CLEC12A: variants seen among roughly 807,000 people sequenced by gnomAD.
CLEC12A encodes the protein C-type lectin protein CLL-1.
CLEC12A carries 22 observed loss-of-function variants against 26.5 expected under a neutral mutation model. The observed-to-expected ratio is 0.83, with a 90% CI of 0.59 to 1.19. The LOEUF is 1.19. Among genes scored for constraint, CLEC12A ranks in the 50% most tolerant of loss-of-function variants. The pLI, the probability that CLEC12A is intolerant of heterozygous loss-of-function variation, is 0.00. For missense variants in CLEC12A, 353 were observed against 315.6 expected, an observed-to-expected ratio of 1.12 and a Z score of -0.90; for synonymous variants, 119 against 101.9, an observed-to-expected ratio of 1.17 and a Z score of -1.01.
chr12:9,977,600 G>A (rs1864389304), intron 1 of CLEC12A, among the ~76,000 whole-genome samples: 1 of 152,098 alleles, frequency 6.6e-6, no homozygotes, highest in Non-Finnish European at 1.5e-5. Flanking sequence ...TTTGCATGCT[G>A]GTTCCTATTC....
intron 5 of CLEC12A, among the ~76,000 whole-genome samples, chr12:9,984,660 G>A (rs684134): frequency 0.63 from 96,122 of 152,088 alleles, 30,813 homozygotes; most frequent in East Asian, 0.89. Context: ...GGAAAAAGCA[G>A]GGAGAAATGA....
At chr12:9,970,137 A>T (rs1000715048), upstream of CLEC12A, among the ~76,000 whole-genome samples, 2 of 152,144 alleles carry the variant, frequency 1.3e-5, no homozygotes, top group African/African-American at 4.8e-5. Context: ...TTAAATTGAC[A>T]TTGAATTTTT....
At position 9,960,855 on chromosome 12, in the gene CLEC12A, C is replaced by T. The variant is rs150893153; in HGVS notation, c.10+9499C>T. Among the ~76,000 whole-genome samples, 1,467 of 152,274 alleles carry T rather than the reference C, an allele frequency of 9.6e-3. 10 individuals are homozygous for T. Among genetic ancestry groups the T allele is most frequent in the Non-Finnish European group, 0.016 (1,068 of 68,004 alleles). On this transcript the variant is annotated intron_variant, in intron 1 of 6. Transcript: ENST00000355690. The stretch of plus-strand genomic sequence containing the variant: ...CACCCAGGCAATGAGACTGCAGATC[C>T]TTCACCCAGCATGATTTTTTCCCTA...
intron 5 of CLEC12A, chr12:9,984,122 T>A (rs1864672575): frequency 5.5e-6 from 1 of 181,848 alleles, no homozygotes; most frequent in African/African-American, 2.4e-5. Context: ...TGTGTGTGTG[T>A]GTATATATAT....
At chr12:9,992,874 T>C (rs904250704) in intron 4 of CLEC12A, 1 of 347,500 alleles carries the variant, frequency 2.9e-6, no homozygotes, top group African/African-American at 2.1e-5. Context: ...CAGTAAATCA[T>C]ACCATGTTCA....
At chr12:9,962,994 G>C (rs1291576379) in intron 1 of CLEC12A, among the ~76,000 whole-genome samples, 1 of 152,204 alleles carries the variant, frequency 6.6e-6, no homozygotes, top group African/African-American at 2.4e-5. Flanking sequence ...TGGGAACCTA[G>C]AGTGGGAGAG....
chr12:9,952,432 C>A (rs1212451858), intron 1 of CLEC12A: 2 of 156,266 alleles, frequency 1.3e-5, no homozygotes, highest in Admixed American at 6.7e-5. Flanking sequence ...CAGCCTTGGC[C>A]TCCCGAGGTG....
chr12:9,966,607 G>A (rs1347414621), upstream of CLEC12A, among the ~76,000 whole-genome samples: 2 of 152,060 alleles, frequency 1.3e-5, no homozygotes, highest in Non-Finnish European at 2.9e-5. Context: ...TTGCGTGCTG[G>A]AGATGTGGCT....
At chr12:9,962,039 G>C (rs1365448514) in intron 1 of CLEC12A, among the ~76,000 whole-genome samples, 1 of 152,132 alleles carries the variant, frequency 6.6e-6, no homozygotes, top group African/African-American at 2.4e-5. Flanking sequence ...GTACCTCCAG[G>C]GAGGCAGCCT....
chr12:9,974,410 T>A (rs1375488240), intron 1 of CLEC12A, among the ~76,000 whole-genome samples: 1 of 152,162 alleles, frequency 6.6e-6, no homozygotes, highest in Non-Finnish European at 1.5e-5. Context: ...ATAGAGTGAC[T>A]CCCCAATATC....
chr12:9,979,359 A>G lies in CLEC12A; in HGVS notation c.214A>G (p.Met72Val), dbSNP rs1295968005. 1.3e-6 allele frequency: 2 copies of G among 1,597,894 alleles called. No individual in the cohort carries two copies. Among genetic ancestry groups the G allele is most frequent in the Admixed American group, 1.7e-5 (1 of 57,668 alleles). ...SMFHVTLKIE[M>V]KKMNKLQNIS... ...AGTTCACGTAACTTTGAAGATAGAAATGAAAAAAATGAACAAACTACAAAA... is the reference window on the plus strand; with the variant it reads ...AGTTCACGTAACTTTGAAGATAGAAGTGAAAAAAATGAACAAACTACAAAA... Residue 72 changes from methionine to valine, a missense_variant, in exon 3 of 6, where the codon ATG becomes GTG. Physicochemically the swap from Met to Val is conservative, Grantham distance 21. Coordinates refer to ENST00000304361, the MANE Select transcript of CLEC12A (RefSeq NM_138337.6).
In CLEC12A at chr12:9,995,308, C is replaced by A. The variant is rs547939320; in HGVS notation, n.1295C>A. On this transcript the variant is annotated non_coding_transcript_exon_variant, in exon 5 of 5. Transcript: ENST00000449959. ...CCTCCACAGCTCTTGGTATGATAGACAAAGCTTCATGATAAGACGTTGGAC... is the reference window on the plus strand; with the variant it reads ...CCTCCACAGCTCTTGGTATGATAGAAAAAGCTTCATGATAAGACGTTGGAC... 83 of 1,386,806 alleles carry A rather than the reference C, an allele frequency of 6.0e-5. 1 individual carries two copies. In the South Asian group the frequency reaches 9.3e-4, roughly 16 times the overall value. The allele number at this position is 1,386,806 out of a possible 1,614,324, so 85.9% of individuals were successfully genotyped here.
intron 5 of CLEC12A, chr12:9,983,917 G>C (rs1450040635): frequency 4.9e-6 from 1 of 205,164 alleles, no homozygotes; most frequent in African/African-American, 2.3e-5. Context: ...TGAAAGACTA[G>C]AGACAAAGGT....
intron 1 of CLEC12A, among the ~76,000 whole-genome samples, chr12:9,957,313 C>T (rs1355443379): frequency 2.6e-5 from 4 of 151,942 alleles, no homozygotes; most frequent in African/African-American, 4.8e-5. Flanking sequence ...CATGGACAAA[C>T]CCCATCTCTA....
At chr12:9,972,706 C>G (rs1286097777) in intron 1 of CLEC12A, among the ~76,000 whole-genome samples, 1 of 152,152 alleles carries the variant, frequency 6.6e-6, no homozygotes, top group Non-Finnish European at 1.5e-5. Context: ...ACTGTTACAT[C>G]TTGGATCCAT....
chr12:9,960,732 C>A lies in CLEC12A; in HGVS notation c.10+9376C>A, dbSNP rs143306655. On this transcript the variant is annotated intron_variant, in intron 1 of 6. Coordinates refer to the CLEC12A transcript ENST00000355690. ...TTTGCTTTGGAACATAGAAATGGAC[C>A]CTGTCTGGTCTTAAAACTTGAAACT... is the stretch of plus-strand genomic sequence containing the variant. 5.8e-3 allele frequency among the ~76,000 whole-genome samples: 885 copies of A among 152,182 alleles called. 10 individuals carry two copies. The highest frequency in any genetic ancestry group is 0.02 in the African/African-American group (845 of 41,510).
At chr12:10,004,827 A>T in the CLEC12A span, among the ~76,000 whole-genome samples, 6 of 152,124 alleles carry the variant, frequency 3.9e-5, no homozygotes, top group African/African-American at 1.4e-4. Context: ...CAGGTTTGTT[A>T]CATATGTATA....
intron 4 of CLEC12A, chr12:9,991,842 C>T (rs922041223): frequency 2.0e-5 from 3 of 152,124 alleles, no homozygotes; most frequent in Admixed American, 6.5e-5. Flanking sequence ...GAGAACATTA[C>T]TTATCCAAAG....
intron 1 of CLEC12A, among the ~76,000 whole-genome samples, chr12:9,977,003 C>A (rs1864364862): frequency 6.6e-6 from 1 of 152,098 alleles, no homozygotes; most frequent in Non-Finnish European, 1.5e-5. Context: ...AACTGTGAAT[C>A]CATTAAACCT....
Sources: gnomAD v4.1 joint callset for allele counts (sites outside exome capture counted in the v4.1 genomes callset) on GRCh38, gnomAD v4.1.1 for gene constraint, MANE v1.5 for transcripts, NCBI Gene and HGNC (gene_info 2026-07-23, HGNC 2026-07-21) for gene names.